FPGS: variants seen among roughly 807,000 people sequenced by gnomAD.
FPGS encodes folylpolyglutamate synthase, mitochondrial.
In FPGS, 53 loss-of-function variants were observed where a neutral mutation model predicts 66.5. That is an observed-to-expected ratio of 0.80 (90% CI 0.64 to 1.00). The LOEUF is 1.00. Ranked by LOEUF, FPGS falls within the 50% of genes least tolerant of loss-of-function variation. The pLI, the probability that FPGS is intolerant of heterozygous loss-of-function variation, is 0.00. For missense variants in FPGS, 702 were observed against 807.7 expected (o/e 0.87, Z 1.59); for synonymous variants, 348 against 350.9 (o/e 0.99, Z 0.09).
rs553126543 is a variant in FPGS at position 127,809,658 on chromosome 9, A to G, written c.1061-26A>G. On this transcript the variant is annotated intron_variant, in intron 11 of 14. Coordinates refer to ENST00000373247, the MANE Select transcript of FPGS (RefSeq NM_004957.6). ...AGGACGGGGGTGGGAGAGGGCCTGG[A>G]GGACTGCCTTGCTGCCCTCCCCCAG... 13 of 1,570,708 alleles carry G rather than the reference A, an allele frequency of 8.3e-6. No homozygotes were observed. The African/African-American group carries it at 1.8e-4, about 22-fold the overall frequency.
chr9:127,809,750 T>A lies in FPGS; in HGVS notation c.1127T>A (p.Leu376Gln). 7 of 1,575,058 alleles carry A rather than the reference T, an allele frequency of 4.4e-6. No individual in the cohort carries two copies. The highest frequency in any genetic ancestry group is 6.0e-6 in the Non-Finnish European group (7 of 1,169,334). ...VLRRGPLTWY[L>Q]DGAHTASSAQ... ...CGGCGCGGGCCCCTCACCTGGTACC[T>A]GGACGGTGCGCACACCGCCAGCAGC... is the stretch of plus-strand genomic sequence containing the variant. Residue 376 changes from leucine (L) to glutamine (Q), a missense_variant, in exon 12 of 15, where the codon CTG (leucine) becomes CAG (glutamine). Coordinates refer to ENST00000373247, the MANE Select transcript of FPGS (RefSeq NM_004957.6).
Position 127,813,604 on chromosome 9 carries a change from G to A in FPGS, c.1764G>A (p.Ter588=), listed in dbSNP as rs778361048. ...LKLLEPALSQ[*] is the part of the protein sequence containing the mutation. Reference sequence around the variant, plus strand: ...TGCTGGAGCCCGCACTGTCCCAGTAGCCAAGGCCCGGGGTTGGAGGTGGGA... The same window carrying A: ...TGCTGGAGCCCGCACTGTCCCAGTAACCAAGGCCCGGGGTTGGAGGTGGGA... The change falls in exon 15 of 15, where the codon TAG becomes TAA. Residue 588 remains the stop codon, a stop_retained_variant. Transcript: ENST00000373247. 1 of 1,513,464 alleles carries A rather than the reference G, an allele frequency of 6.6e-7. No individual in the cohort carries two copies. Among genetic ancestry groups the A allele is most frequent in the South Asian group, 1.3e-5 (1 of 75,660 alleles). The allele number at this position is 1,513,464 out of a possible 1,614,324, so 93.8% of individuals were successfully genotyped here. A position where few individuals can be genotyped will look rare whatever the true frequency, so the allele number is the denominator to read the frequency against.
In FPGS at chr9:127,808,643, G is replaced by A. The variant is rs965203643; in HGVS notation, c.908G>A (p.Arg303Gln). 5.6e-6 allele frequency: 9 copies of A among 1,609,436 alleles called. No individual in the cohort carries two copies. Among genetic ancestry groups the A allele is most frequent in the African/African-American group, 4.0e-5 (3 of 74,862 alleles). ...LTLGLEGEHQ[R>Q]SNAALALQLA... Reference sequence around the variant, plus strand: ...CTGGGCCTGGAGGGGGAGCACCAGCGGTCCAACGCCGCCTTGGCCTTGCAG... The same window carrying A: ...CTGGGCCTGGAGGGGGAGCACCAGCAGTCCAACGCCGCCTTGGCCTTGCAG... The change falls in exon 10 of 15, where the codon CGG becomes CAG. Residue 303 changes from arginine (R) to glutamine (Q), a missense_variant. Around this residue, in one of 3 missense-constraint regions of FPGS, gnomAD observed 240 missense variants for 348.6 expected, o/e 0.69. Transcript: ENST00000373247.
intron 13 of FPGS, 22 bp from the exon 14 acceptor site, chr9:127,810,923 A>G: frequency 1.4e-6 from 2 of 1,474,610 alleles, no homozygotes; most frequent in Non-Finnish European, 1.9e-6. Context: ...TCTGACACCA[A>G]GTCTTTCCCT....
chr9:127,807,675 G>A lies in FPGS; in HGVS notation c.731G>A (p.Gly244Glu). ...GTGGAGAAGATCGCATGGCAGAAAG[G>A]GGGCATCTTTAAGGTGACCAGGCAG... ...DTVEKIAWQK[G>E]GIFKQGVPAF... is the part of the protein sequence containing the mutation. The change falls in exon 8 of 15, where the codon GGG (glycine) becomes GAG (glutamate). Residue 244 changes from glycine to glutamate, a missense_variant. Around this residue, in one of 3 missense-constraint regions of FPGS, gnomAD observed 240 missense variants for 348.6 expected, o/e 0.69. Coordinates refer to ENST00000373247, the MANE Select transcript of FPGS (RefSeq NM_004957.6). This position sits in a 1 kb window ranked among gnomAD's most constrained non-coding sequence, Gnocchi z 5.8. 1 of 1,590,588 alleles carries A rather than the reference G, an allele frequency of 6.3e-7. No homozygotes were observed. The highest frequency in any genetic ancestry group is 8.5e-7 in the Non-Finnish European group (1 of 1,173,210).
downstream of FPGS, chr9:127,814,131 G>C (rs1209394036): frequency 2.0e-6 from 2 of 985,966 alleles, no homozygotes; most frequent in Non-Finnish European, 2.4e-6. Context: ...GGCTGCTGGT[G>C]GTCAGGGACC....
At position 127,813,343 on chromosome 9, in the gene FPGS, T is replaced by TCTGG. The variant is rs1564448404; in HGVS notation, c.1505_1508dup (p.Pro504GlyfsTer37). On this transcript the variant is annotated frameshift_variant, in exon 15 of 15. Coordinates refer to ENST00000373247, the MANE Select transcript of FPGS (RefSeq NM_004957.6). LOFTEE classifies it high-confidence loss of function. ...AGCCCGGTGGGTCCGCATCCCTGCTTCTGGCGCCCCACCCACCCCACACCT... is the reference window on the plus strand; with the variant it reads ...AGCCCGGTGGGTCCGCATCCCTGCTTCTGGCTGGCGCCCCACCCACCCCACACCT... The TCTGG allele has an allele frequency of 3.1e-6, 5 of 1,612,816 alleles. No homozygotes were observed. The highest frequency in any genetic ancestry group is 4.2e-6 in the Non-Finnish European group (5 of 1,179,754).
In FPGS at chr9:127,808,643, G is replaced by T. The variant is rs965203643; in HGVS notation, c.908G>T (p.Arg303Leu). ...LTLGLEGEHQ[R>L]SNAALALQLA... ...CTGGGCCTGGAGGGGGAGCACCAGC[G>T]GTCCAACGCCGCCTTGGCCTTGCAG... Residue 303 changes from arginine (R) to leucine (L), a missense_variant, in exon 10 of 15, where the codon CGG becomes CTG. Coordinates refer to ENST00000373247, the MANE Select transcript of FPGS (RefSeq NM_004957.6). The T allele has an allele frequency of 1.2e-6, 2 of 1,609,436 alleles. No homozygotes were observed. Among genetic ancestry groups the T allele is most frequent in the African/African-American group, 2.7e-5 (2 of 74,862 alleles).
At position 127,809,741 on chromosome 9, in the gene FPGS, C is replaced by A. The variant is rs1829979353; in HGVS notation, c.1118C>A (p.Thr373Asn). 1 of 1,586,826 alleles carries A rather than the reference C, an allele frequency of 6.3e-7. No individual in the cohort carries two copies. Among genetic ancestry groups the A allele is most frequent in the Admixed American group, 1.7e-5 (1 of 58,788 alleles). The change falls in exon 12 of 15, where the codon ACC (threonine) becomes AAC (asparagine). Residue 373 changes from threonine (T) to asparagine (N), a missense_variant. Coordinates refer to ENST00000373247, the MANE Select transcript of FPGS (RefSeq NM_004957.6). ...CAGGTGCTGCGGCGCGGGCCCCTCA[C>A]CTGGTACCTGGACGGTGCGCACACC... is the stretch of plus-strand genomic sequence containing the variant. ...RTQVLRRGPL[T>N]WYLDGAHTAS...
In FPGS at chr9:127,807,791, C is replaced by T; in HGVS notation, c.744+103C>T. On this transcript the variant is annotated intron_variant, in intron 8 of 14. Coordinates refer to ENST00000373247, the MANE Select transcript of FPGS (RefSeq NM_004957.6). The surrounding 1 kb of genome is among the most constrained non-coding windows in gnomAD (Gnocchi z 5.8). ...ACTGGAACAAGTTGAGTCTCCTCTC[C>T]AGACTATTTCCCCATTGAAACGTGA... The T allele has an allele frequency of 2.8e-6, 2 of 719,870 alleles. No homozygotes were observed. Among genetic ancestry groups the T allele is most frequent in the Non-Finnish European group, 4.6e-6 (2 of 436,640 alleles). 44.6% of individuals were successfully genotyped at this position (719,870 alleles called of 1,614,324 possible). A position where few individuals can be genotyped will look rare whatever the true frequency, so the allele number is the denominator to read the frequency against.
Position 127,809,696 on chromosome 9 carries a change from C to T in FPGS, c.1073C>T (p.Thr358Met), listed in dbSNP as rs748807377. 107 of 1,587,604 alleles carry T rather than the reference C, an allele frequency of 6.7e-5. No homozygotes were observed. The highest frequency in any genetic ancestry group is 8.9e-5 in the Non-Finnish European group (105 of 1,174,662). ...TGCCCTCCCCCAGGGCTTCGGAACA[C>T]GGAGTGGCCGGGCCGGACGCAGGTG... Reference protein sequence around the residue: ...TSHMRLGLRNTEWPGRTQVLR... With the variant: ...TSHMRLGLRNMEWPGRTQVLR... The change falls in exon 12 of 15, where the codon ACG becomes ATG. Residue 358 changes from threonine to methionine, a missense_variant. Thr to Met is a moderately conservative substitution (Grantham distance 81, BLOSUM62 -1). Around this residue, in one of 3 missense-constraint regions of FPGS, gnomAD observed 351 missense variants for 363.7 expected, o/e 0.97. Coordinates refer to ENST00000373247, the MANE Select transcript of FPGS (RefSeq NM_004957.6).
At chr9:127,803,394 G>A in intron 1 of FPGS, 4 of 1,086,362 alleles carry the variant, frequency 3.7e-6, no homozygotes, top group Non-Finnish European at 4.5e-6. Context: ...CAGTGAGAGT[G>A]GGGAAAGAGG....
intron 1 of FPGS, chr9:127,803,440 T>G: frequency 2.0e-6 from 2 of 1,011,152 alleles, no homozygotes; most frequent in Non-Finnish European, 2.4e-6. Flanking sequence ...GCTTGAAAGA[T>G]CCAGGAGTAT....
chr9:127,804,547 G>A lies in FPGS; in HGVS notation c.316G>A (p.Gly106Arg). ...CATCATCCACGTCACTGGGACGAAG[G>A]GGAAGGTGAGGGGCAGGACCCTGGG... Reference protein sequence around the residue: ...LNIIHVTGTKGKGSTCAFTEC... With the variant: ...LNIIHVTGTKRKGSTCAFTEC... The change falls in exon 3 of 15, where the codon GGG (glycine) becomes AGG (arginine). Residue 106 changes from glycine (G) to arginine (R), a missense_variant. Gly to Arg is a moderately radical substitution (Grantham distance 125). This residue lies in a region of FPGS where 240 missense variants were observed against 348.6 expected (regional missense o/e 0.69). Coordinates refer to ENST00000373247, the MANE Select transcript of FPGS (RefSeq NM_004957.6). 1.2e-6 allele frequency: 2 copies of A among 1,614,204 alleles called. No individual in the cohort carries two copies. Among genetic ancestry groups the A allele is most frequent in the Non-Finnish European group, 1.7e-6 (2 of 1,180,012 alleles).
At chr9:127,813,125 G>A (rs561963208) in intron 14 of FPGS, 70 bp from the exon 15 acceptor site, 107 of 1,495,358 alleles carry the variant, frequency 7.2e-5, no homozygotes, top group Non-Finnish European at 9.2e-5. Context: ...CGGTGCACCC[G>A]CCCCTTTCTC....
At position 127,810,107 on chromosome 9, in the gene FPGS, GT is replaced by G. The variant is rs1450877667; in HGVS notation, c.1287+2del. 1 of 1,612,928 alleles carries G rather than the reference GT, an allele frequency of 6.2e-7. No individual in the cohort carries two copies. Among genetic ancestry groups the G allele is most frequent in the African/African-American group, 1.3e-5 (1 of 74,894 alleles). ...GGCGGCCCTGCTGAAGCTGCTGCAG[GT>G]GAGGGGCCAACTTGGGGGTGGGCGG... On this transcript the variant is annotated splice_donor_variant, in intron 13 of 14. Coordinates refer to ENST00000373247, the MANE Select transcript of FPGS (RefSeq NM_004957.6). LOFTEE classifies it high-confidence loss of function.
Position 127,803,286 on chromosome 9 carries a change from C to G in FPGS, c.138+224C>G, listed in dbSNP as rs114906420. ...TTCGGAGACTATAGCGTCCCCGCCC[C>G]GGGTTGGGAAGTGGGAAGTGGCACA... is the stretch of plus-strand genomic sequence containing the variant. On this transcript the variant is annotated intron_variant, in intron 1 of 14. Transcript: ENST00000373247. 1,697 of 1,229,374 alleles carry G rather than the reference C, an allele frequency of 1.4e-3. 23 individuals are homozygous for G. In the African/African-American group the frequency reaches 0.024, roughly 18 times the overall value. The allele number at this position is 1,229,374 out of a possible 1,614,324, so 76.2% of individuals were successfully genotyped here. A position where few individuals can be genotyped will look rare whatever the true frequency, so the allele number is the denominator to read the frequency against.
intron 1 of FPGS, among the ~76,000 whole-genome samples, chr9:127,803,998 G>C (rs117593259): frequency 6.6e-6 from 1 of 152,232 alleles, no homozygotes; most frequent in African/African-American, 2.4e-5. Flanking sequence ...GAGTGAAGTC[G>C]GGGGAGCCTG....
At chr9:127,812,540 C>T (rs527445513) in intron 14 of FPGS, among the ~76,000 whole-genome samples, 3 of 151,090 alleles carry the variant, frequency 2.0e-5, no homozygotes, top group Admixed American at 1.3e-4. Context: ...CTTGCTCTGT[C>T]GCCCAGGCTG....
Sources: allele counts gnomAD v4.1 joint callset (sites outside exome capture counted in the v4.1 genomes callset), GRCh38; gene constraint gnomAD v4.1.1; regional missense constraint gnomAD v4.1.1; non-coding constraint Gnocchi (gnomAD v3.1); transcripts MANE v1.5; gene names NCBI Gene and HGNC (gene_info 2026-07-23, HGNC 2026-07-21).